LRRC4C: variants seen among roughly 807,000 people sequenced by gnomAD.
LRRC4C encodes the protein leucine-rich repeat-containing protein 4C.
LRRC4C carries 5 observed loss-of-function variants against 33.6 expected under a neutral mutation model. The observed-to-expected ratio is 0.15, with a 90% CI of 0.08 to 0.31. LRRC4C has a LOEUF of 0.31. LRRC4C is among the 10% of genes least tolerant of loss of function. LRRC4C has a pLI of 1.00. For synonymous variants in LRRC4C, 329 were observed against 302.0 expected, an observed-to-expected ratio of 1.09 and a Z score of -0.93; for missense variants, 560 against 796.7, an observed-to-expected ratio of 0.70 and a Z score of 3.58.
chr11:40,861,440 T>C (rs774600278), intron 2 of LRRC4C, among the ~76,000 whole-genome samples: 1 of 152,272 alleles, frequency 6.6e-6, no homozygotes, highest in Middle Eastern at 3.4e-3. Flanking sequence ...TATGTGAAAC[T>C]CCAATGTTCA....
At chr11:41,414,157 T>G (rs1326309661) in intron 1 of LRRC4C, among the ~76,000 whole-genome samples, 2 of 152,184 alleles carry the variant, frequency 1.3e-5, no homozygotes, top group African/African-American at 4.8e-5. Flanking sequence ...AGCACATTGC[T>G]TGGAACATAG....
intron 3 of LRRC4C, among the ~76,000 whole-genome samples, chr11:40,622,374 A>G (rs1411522406): frequency 3.3e-5 from 5 of 151,844 alleles, no homozygotes; most frequent in African/African-American, 1.2e-4. Flanking sequence ...AGGATTCTAC[A>G]GGGAATCACA....
chr11:41,191,147 G>A (rs1237997588), intron 1 of LRRC4C, among the ~76,000 whole-genome samples: 1 of 152,048 alleles, frequency 6.6e-6, no homozygotes, highest in Non-Finnish European at 1.5e-5. Flanking sequence ...CAAGAATATT[G>A]CTTTGCATTT....
At chr11:40,221,863 G>A (rs1864444950) in intron 5 of LRRC4C, among the ~76,000 whole-genome samples, 1 of 152,062 alleles carries the variant, frequency 6.6e-6, no homozygotes, top group Non-Finnish European at 1.5e-5. Context: ...CACCCCCTTA[G>A]AGTTGTGAGC....
chr11:41,419,673 T>C (rs1954808468), intron 1 of LRRC4C, among the ~76,000 whole-genome samples: 1 of 151,986 alleles, frequency 6.6e-6, no homozygotes, highest in South Asian at 2.1e-4. Context: ...CTTCTAGTAC[T>C]TTATACTGTA....
At chr11:40,745,669 G>A (rs568549222) in intron 2 of LRRC4C, among the ~76,000 whole-genome samples, 24 of 152,106 alleles carry the variant, frequency 1.6e-4, no homozygotes, top group East Asian at 3.9e-4. Flanking sequence ...GGAAGATAAT[G>A]TATATTTACA....
At chr11:41,094,473 G>A (rs185754320) in intron 1 of LRRC4C, among the ~76,000 whole-genome samples, 8 of 152,066 alleles carry the variant, frequency 5.3e-5, no homozygotes, top group Admixed American at 2.0e-4. Context: ...ACAGTGAGCC[G>A]AGATTGCACC....
chr11:41,321,959 G>A (rs1950971868), intron 1 of LRRC4C, among the ~76,000 whole-genome samples: 1 of 151,970 alleles, frequency 6.6e-6, no homozygotes, highest in Admixed American at 6.6e-5. Context: ...CCACCTCCCT[G>A]GTTCAAGCGA....
intron 2 of LRRC4C, among the ~76,000 whole-genome samples, chr11:40,921,706 A>G (rs1957187337): frequency 1.3e-5 from 2 of 152,252 alleles, no homozygotes; most frequent in Non-Finnish European, 2.9e-5. Context: ...TTCAAATCAA[A>G]GTAATTGGAA....
intron 3 of LRRC4C, among the ~76,000 whole-genome samples, chr11:40,529,788 T>C (rs1027668813): frequency 3.3e-5 from 5 of 152,128 alleles, no homozygotes; most frequent in African/African-American, 1.2e-4. Context: ...TTCTAGTAAC[T>C]CTATGTTGAT....
chr11:40,584,905 T>C (rs543115820), intron 3 of LRRC4C, among the ~76,000 whole-genome samples: 50 of 147,762 alleles, frequency 3.4e-4, no homozygotes, highest in Middle Eastern at 3.6e-3. Context: ...ACATTCCAAA[T>C]TGGGCAACAG....
chr11:40,827,012 G>A (rs909613554), intron 2 of LRRC4C, among the ~76,000 whole-genome samples: 3 of 151,776 alleles, frequency 2.0e-5, no homozygotes, highest in Non-Finnish European at 2.9e-5. Flanking sequence ...TTTTGATAAC[G>A]TACTAATTTG....
At chr11:41,083,580 A>G (rs1302525712) in intron 1 of LRRC4C, among the ~76,000 whole-genome samples, 1 of 152,170 alleles carries the variant, frequency 6.6e-6, no homozygotes, top group Non-Finnish European at 1.5e-5. Flanking sequence ...ACGCTTTCTA[A>G]TCTAATTTCT....
At chr11:41,013,013 T>C (rs901940717) in intron 1 of LRRC4C, among the ~76,000 whole-genome samples, 1 of 152,244 alleles carries the variant, frequency 6.6e-6, no homozygotes, top group African/African-American at 2.4e-5. Context: ...CCCATATTTC[T>C]GAAGATTCTG....
At chr11:41,201,435 T>C (rs1004194707) in intron 1 of LRRC4C, among the ~76,000 whole-genome samples, 3 of 152,220 alleles carry the variant, frequency 2.0e-5, no homozygotes, top group Admixed American at 2.0e-4. Flanking sequence ...AAACCCTTGG[T>C]CCTGGTAGCT....
chr11:41,133,191 G>A (rs1222020004), intron 1 of LRRC4C, among the ~76,000 whole-genome samples: 1 of 152,108 alleles, frequency 6.6e-6, no homozygotes, highest in African/African-American at 2.4e-5. Flanking sequence ...AGAATGTGAA[G>A]GTTTCCAGAG....
At chr11:40,661,073 C>T (rs10837466) in intron 2 of LRRC4C, among the ~76,000 whole-genome samples, 14 of 152,026 alleles carry the variant, frequency 9.2e-5, no homozygotes, top group African/African-American at 3.4e-4. Flanking sequence ...CATACAATAA[C>T]GAATTGAATT....
chr11:40,252,910 AG>A (rs1866899922), intron 4 of LRRC4C, among the ~76,000 whole-genome samples: 1 of 152,220 alleles, frequency 6.6e-6, no homozygotes, highest in Admixed American at 6.5e-5. Flanking sequence ...AGGAGACTTT[AG>A]GCTCACTTTC....
chr11:41,390,490 C>A (rs1953547703), intron 1 of LRRC4C, among the ~76,000 whole-genome samples: 1 of 151,924 alleles, frequency 6.6e-6, no homozygotes, highest in South Asian at 2.1e-4. Flanking sequence ...CACTTTGCCC[C>A]AGCCACATGG....
Sources: gnomAD v4.1 joint callset for allele counts (sites outside exome capture counted in the v4.1 genomes callset) on GRCh38, gnomAD v4.1.1 for gene constraint, MANE v1.5 for transcripts, NCBI Gene and HGNC (gene_info 2026-07-23, HGNC 2026-07-21) for gene names.